The following DGKB variants were observed in gnomAD, a reference collection of about 807,000 sequenced individuals.
The protein encoded by DGKB is 90 kDa diacylglycerol kinase.
Under a neutral mutation model 114.3 loss-of-function variants are expected in DGKB, and 67 were observed. That is an observed-to-expected ratio of 0.59 (90% CI 0.48 to 0.72). DGKB has a LOEUF of 0.72. Ranked by LOEUF, DGKB falls within the 30% of genes least tolerant of loss-of-function variation. The pLI, the probability that DGKB is intolerant of heterozygous loss-of-function variation, is 0.00. For missense variants in DGKB, 907 were observed against 975.2 expected, an observed-to-expected ratio of 0.93 and a Z score of 0.93; for synonymous variants, 398 against 323.1, an observed-to-expected ratio of 1.23 and a Z score of -2.49.
At chr7:14,812,346 T>G (rs1300987328) in intron 2 of DGKB, among the ~76,000 whole-genome samples, 2 of 152,176 alleles carry the variant, frequency 1.3e-5, no homozygotes, top group African/African-American at 4.8e-5. Context: ...CTCATTAAAA[T>G]GGTATTGAAG....
intron 5 of DGKB, among the ~76,000 whole-genome samples, chr7:14,723,522 AAAT>A (rs1221362871): frequency 1.3e-5 from 2 of 152,152 alleles, no homozygotes; most frequent in African/African-American, 4.8e-5. Context: ...ATACTACTTT[AAAT>A]ATTTCATCAC....
At chr7:14,887,832 T>G (rs1002222771) in intron 1 of DGKB, among the ~76,000 whole-genome samples, 2 of 151,732 alleles carry the variant, frequency 1.3e-5, no homozygotes, top group African/African-American at 4.8e-5. Flanking sequence ...AAACTGCATT[T>G]CCGATGTCTA....
intron 14 of DGKB, among the ~76,000 whole-genome samples, chr7:14,628,770 A>G (rs1025594193): frequency 6.6e-6 from 1 of 152,102 alleles, no homozygotes; most frequent in Non-Finnish European, 1.5e-5. Flanking sequence ...ATATCCATGC[A>G]TGGGCTTAAG....
intron 4 of DGKB, among the ~76,000 whole-genome samples, chr7:14,738,573 C>T (rs1219420221): frequency 1.3e-5 from 2 of 152,178 alleles, no homozygotes; most frequent in Non-Finnish European, 2.9e-5. Flanking sequence ...ATCTGAATGA[C>T]ATCTGGCACA....
chr7:14,459,553 A>C (rs980261804), intron 21 of DGKB, among the ~76,000 whole-genome samples: 1 of 152,172 alleles, frequency 6.6e-6, no homozygotes, highest in African/African-American at 2.4e-5. Flanking sequence ...AGATTAGAGA[A>C]AAAAGAATGA....
intron 21 of DGKB, among the ~76,000 whole-genome samples, chr7:14,430,146 T>A (rs548581680): frequency 1.3e-5 from 2 of 152,308 alleles, no homozygotes; most frequent in South Asian, 4.1e-4. Flanking sequence ...TCCTAGCAAG[T>A]GGCTGATGGC....
chr7:14,969,542 T>C (rs888933968), intron 1 of DGKB, among the ~76,000 whole-genome samples: 20 of 152,148 alleles, frequency 1.3e-4, no homozygotes, highest in African/African-American at 4.8e-4. Context: ...CATTACTGCC[T>C]GAGTTCCACC....
chr7:14,370,161 A>G (rs1398284971), intron 21 of DGKB, among the ~76,000 whole-genome samples: 1 of 152,188 alleles, frequency 6.6e-6, no homozygotes, highest in African/African-American at 2.4e-5. Flanking sequence ...AGTTTTCTGC[A>G]TATGACCAGC....
chr7:14,450,748 A>C (rs905462712), intron 21 of DGKB, among the ~76,000 whole-genome samples: 17 of 152,186 alleles, frequency 1.1e-4, no homozygotes, highest in African/African-American at 4.1e-4. Context: ...GAGCAGAAGG[A>C]GGTGTCCTAT....
At chr7:14,319,213 A>C (rs1436404484) in intron 23 of DGKB, among the ~76,000 whole-genome samples, 1 of 151,806 alleles carries the variant, frequency 6.6e-6, no homozygotes, top group East Asian at 1.9e-4. Flanking sequence ...GGTGCAGCAC[A>C]CCAGCGTGGC....
chr7:14,938,666 A>T (rs1236400432), intron 1 of DGKB, among the ~76,000 whole-genome samples: 1 of 151,600 alleles, frequency 6.6e-6, no homozygotes, highest in Non-Finnish European at 1.5e-5. Context: ...GTAAAGGTGT[A>T]TTCCAAAGGA....
rs193035395 is a variant in DGKB, at chr7:14,773,413, G to C, written c.71-15682C>G. ...TGTTTACAATAATGTGTTCGATTCAGATAATGAAGGATATATGCATTACAC... is the reference window on the plus strand; with the variant it reads ...TGTTTACAATAATGTGTTCGATTCACATAATGAAGGATATATGCATTACAC... On this transcript the variant is annotated intron_variant, in intron 2 of 25. Coordinates refer to ENST00000402815, the MANE Select transcript of DGKB (RefSeq NM_001350709.2). Among the ~76,000 whole-genome samples, 671 of 152,170 alleles carry C rather than the reference G, an allele frequency of 4.4e-3. 8 individuals carry two copies. Among genetic ancestry groups the C allele is most frequent in the African/African-American group, 0.015 (628 of 41,528 alleles).
intron 2 of DGKB, among the ~76,000 whole-genome samples, chr7:14,817,328 C>G (rs963092283): frequency 2.6e-5 from 4 of 152,120 alleles, no homozygotes; most frequent in Non-Finnish European, 4.4e-5. Context: ...TGTATAGTTA[C>G]ACCAGAATAA....
At chr7:14,229,573 T>G (rs1447752348) in intron 23 of DGKB, among the ~76,000 whole-genome samples, 1 of 152,036 alleles carries the variant, frequency 6.6e-6, no homozygotes, top group Non-Finnish European at 1.5e-5. Context: ...CGTGTATCTA[T>G]ATTTATGTCT....
At chr7:14,202,081 A>G (rs1467638653) in intron 23 of DGKB, among the ~76,000 whole-genome samples, 10 of 152,046 alleles carry the variant, frequency 6.6e-5, no homozygotes. Flanking sequence ...TTCTTTTGAT[A>G]AAGGTAACCA....
intron 21 of DGKB, among the ~76,000 whole-genome samples, chr7:14,443,485 C>G (rs1245864359): frequency 6.6e-6 from 1 of 152,062 alleles, no homozygotes; most frequent in Non-Finnish European, 1.5e-5. Context: ...TTTTCATTTC[C>G]TATTTGGCCT....
chr7:14,862,533 A>G (rs181851315), intron 1 of DGKB, among the ~76,000 whole-genome samples: 69 of 152,236 alleles, frequency 4.5e-4, no homozygotes, highest in African/African-American at 1.6e-3. Context: ...GAAAACTGAC[A>G]TGAAGAGTTT....
intron 21 of DGKB, among the ~76,000 whole-genome samples, chr7:14,405,965 A>G (rs758422046): frequency 6.6e-6 from 1 of 152,004 alleles, no homozygotes; most frequent in Non-Finnish European, 1.5e-5. Context: ...AGTTGCTACT[A>G]TCTTTAGCTT....
At chr7:14,607,566 G>T (rs987751171) in intron 16 of DGKB, 58 bp from the exon 17 acceptor site, 6 of 727,568 alleles carry the variant, frequency 8.2e-6, no homozygotes, top group Middle Eastern at 3.1e-4. Flanking sequence ...TTTAAAATAA[G>T]TAATGTCTCT....
Sources: allele counts gnomAD v4.1 joint callset (sites outside exome capture counted in the v4.1 genomes callset), GRCh38; gene constraint gnomAD v4.1.1; transcripts MANE v1.5; gene names NCBI Gene and HGNC (gene_info 2026-07-23, HGNC 2026-07-21).